The following EYS variants were observed in gnomAD, a reference collection of about 807,000 sequenced individuals.
The protein encoded by EYS is EGF-like photoreceptor maintenance factor, also known as protein eyes shut homolog.
In EYS, 250 loss-of-function variants were observed where a neutral mutation model predicts 282.1. The ratio of observed to expected loss-of-function variants is 0.89; its 90% CI spans 0.80 to 0.98. The LOEUF (loss-of-function observed/expected upper bound fraction) is 0.98. Among genes scored for constraint, EYS ranks in the 50% least tolerant of loss-of-function variants. EYS has a pLI of 0.00. For missense variants in EYS, 4,016 were observed against 3,709.0 expected, an observed-to-expected ratio of 1.08 and a Z score of -2.15; for synonymous variants, 1,355 against 1,282.9, an observed-to-expected ratio of 1.06 and a Z score of -1.20.
chr6:64,150,473 T>A (rs535868651), intron 31 of EYS, among the ~76,000 whole-genome samples: 20 of 152,212 alleles, frequency 1.3e-4, no homozygotes, highest in Non-Finnish European at 2.5e-4. Flanking sequence ...ATTCAAGTTT[T>A]TTTTCCAATG....
At chr6:63,798,995 A>G (rs1349264657) in intron 37 of EYS, among the ~76,000 whole-genome samples, 1 of 131,204 alleles carries the variant, frequency 7.6e-6, no homozygotes, top group Non-Finnish European at 1.6e-5. Context: ...GTGTATATAT[A>G]TATATATATA....
chr6:64,599,531 A>G (rs1156347029), intron 24 of EYS, among the ~76,000 whole-genome samples: 1 of 152,190 alleles, frequency 6.6e-6, no homozygotes, highest in African/African-American at 2.4e-5. Context: ...CCAGTTACAG[A>G]TTGGAGGATA....
intron 31 of EYS, among the ~76,000 whole-genome samples, chr6:64,218,488 A>T (rs1287973303): frequency 6.6e-6 from 1 of 152,162 alleles, no homozygotes; most frequent in African/African-American, 2.4e-5. Flanking sequence ...CAGTTGGCCT[A>T]ATCACATTTA....
intron 23 of EYS, among the ~76,000 whole-genome samples, chr6:64,620,458 ACTGGTGGAACT>A (rs1461222740): frequency 6.6e-6 from 1 of 152,152 alleles, no homozygotes; most frequent in Non-Finnish European, 1.5e-5. Flanking sequence ...TATGTTTCTT[ACTGGTGGAACT>A]CAATTATATT....
At position 65,509,391 on chromosome 6, in the gene EYS, A is replaced by G. The variant is rs566005754; in HGVS notation, c.-332-13398T>C. Reference sequence around the variant, plus strand: ...TTCCAGTTACTCTGTATCATCTCCAATACTTGGTATGGGTGGTCTTTTTAA... The same window carrying G: ...TTCCAGTTACTCTGTATCATCTCCAGTACTTGGTATGGGTGGTCTTTTTAA... On this transcript the variant is annotated intron_variant, in intron 2 of 42. Transcript: ENST00000503581. 1.8e-4 allele frequency among the ~76,000 whole-genome samples: 27 copies of G among 152,292 alleles called. No homozygotes were observed. The East Asian group carries it at 4.4e-3, about 25-fold the overall frequency.
chr6:64,815,154 C>T, intron 21 of EYS: 1 of 411,220 alleles, frequency 2.4e-6, no homozygotes, highest in South Asian at 1.7e-5. Flanking sequence ...TACACCCCCA[C>T]CCCCTACAAG....
chr6:65,241,905 C>A (rs545466170), intron 12 of EYS, among the ~76,000 whole-genome samples: 1 of 151,806 alleles, frequency 6.6e-6, no homozygotes, highest in Non-Finnish European at 1.5e-5. Context: ...TGTGTGCATG[C>A]GTGTGTGTAT....
intron 36 of EYS, among the ~76,000 whole-genome samples, chr6:63,832,043 G>T (rs570632880): frequency 2.6e-5 from 4 of 152,004 alleles, no homozygotes; most frequent in Non-Finnish European, 4.4e-5. Context: ...AACATATCAG[G>T]ATCTCTGGGA....
intron 41 of EYS, among the ~76,000 whole-genome samples, chr6:63,735,357 G>T (rs1768882274): frequency 6.6e-6 from 1 of 151,986 alleles, no homozygotes; most frequent in Non-Finnish European, 1.5e-5. Context: ...TGAACTTATA[G>T]ATAAGTTGCC....
chr6:63,861,211 A>G (rs538147298), intron 36 of EYS, among the ~76,000 whole-genome samples: 1 of 149,202 alleles, frequency 6.7e-6, no homozygotes, highest in Non-Finnish European at 1.5e-5. Flanking sequence ...ATTCTTTTTC[A>G]TGGCACCACC....
chr6:64,815,249 C>T (rs774985337), intron 21 of EYS: 31 of 461,640 alleles, frequency 6.7e-5, no homozygotes, highest in Admixed American at 4.3e-4. Flanking sequence ...TAAGAAAAAC[C>T]AAGAGCACAT....
chr6:64,050,711 G>A (rs1024212563), intron 33 of EYS, among the ~76,000 whole-genome samples: 1 of 152,150 alleles, frequency 6.6e-6, no homozygotes, highest in Non-Finnish European at 1.5e-5. Flanking sequence ...TAGGGGTTAG[G>A]AGAAAATTAT....
intron 5 of EYS, among the ~76,000 whole-genome samples, chr6:65,432,947 C>A (rs529502596): frequency 1.3e-5 from 2 of 151,936 alleles, no homozygotes; most frequent in Non-Finnish European, 2.9e-5. Flanking sequence ...TGTTTTTTAA[C>A]CTTGGCCAAC....
intron 12 of EYS, among the ~76,000 whole-genome samples, chr6:65,220,674 G>A (rs1178122959): frequency 6.6e-6 from 1 of 152,146 alleles, no homozygotes; most frequent in Non-Finnish European, 1.5e-5. Context: ...CTGCTGTAAA[G>A]ATACCCAAAA....
chr6:65,014,416 A>G (rs1771978406), intron 13 of EYS, among the ~76,000 whole-genome samples: 1 of 152,188 alleles, frequency 6.6e-6, no homozygotes, highest in African/African-American at 2.4e-5. Context: ...CAGCACAGAA[A>G]AGTAATACAG....
In EYS at chr6:64,088,645, T is replaced by C. The variant is rs907491342; in HGVS notation, c.6425-6643A>G. Among the ~76,000 whole-genome samples the C allele has an allele frequency of 2.0e-5, 3 of 152,008 alleles. No homozygotes were observed. In the East Asian group the frequency reaches 5.8e-4, roughly 29 times the overall value. ...TATGGATTATCATTTTTATTATTTT[T>C]TTTAACCAAGCATAGTTCTGTAGTA... On this transcript the variant is annotated intron_variant, in intron 31 of 42. Transcript: ENST00000503581.
At chr6:65,156,732 T>C (rs997796832) in intron 12 of EYS, among the ~76,000 whole-genome samples, 7 of 151,050 alleles carry the variant, frequency 4.6e-5, no homozygotes, top group African/African-American at 1.7e-4. Flanking sequence ...ATACCCTTGC[T>C]CTTTGGTACT....
intron 12 of EYS, among the ~76,000 whole-genome samples, chr6:65,190,538 G>T (rs990947818): frequency 5.3e-5 from 8 of 151,428 alleles, no homozygotes; most frequent in Admixed American, 1.3e-4. Context: ...ATAACCATTT[G>T]CTATCTAAAA....
At chr6:64,837,154 TCTTTA>T (rs1470415792) in intron 19 of EYS, among the ~76,000 whole-genome samples, 1 of 151,610 alleles carries the variant, frequency 6.6e-6, no homozygotes, top group African/African-American at 2.4e-5. Context: ...CATTTTGTAA[TCTTTA>T]CTTTTTATGT....
Sources: gnomAD v4.1 joint callset for allele counts (sites outside exome capture counted in the v4.1 genomes callset) on GRCh38, gnomAD v4.1.1 for gene constraint, MANE v1.5 for transcripts, NCBI Gene and HGNC (gene_info 2026-07-23, HGNC 2026-07-21) for gene names.